Variants in FSTL4 observed in about 807,000 individuals in gnomAD.
FSTL4 encodes the protein follistatin like 4.
FSTL4 carries 28 observed loss-of-function variants against 78.2 expected under a neutral mutation model. The observed-to-expected ratio is 0.36, with a 90% CI of 0.27 to 0.49. The LOEUF is 0.49. Among genes scored for constraint, FSTL4 ranks in the 20% least tolerant of loss-of-function variants. The probability of loss-of-function intolerance (pLI) is 0.98; values close to 1 mark genes in which losing one functional copy is unlikely to be tolerated. For synonymous variants in FSTL4, 422 were observed against 440.5 expected, an observed-to-expected ratio of 0.96 and a Z score of 0.53; for missense variants, 922 against 1,084.9, an observed-to-expected ratio of 0.85 and a Z score of 2.11.
chr5:133,772,590 G>A, the FSTL4 span, among the ~76,000 whole-genome samples: 13 of 152,214 alleles, frequency 8.5e-5, no homozygotes, highest in South Asian at 2.7e-3. Flanking sequence ...AAGTTCAAGG[G>A]GCCATACCTA....
intron 6 of FSTL4, among the ~76,000 whole-genome samples, chr5:133,258,276 G>T (rs897593186): frequency 7.9e-5 from 12 of 152,226 alleles, no homozygotes; most frequent in Non-Finnish European, 1.2e-4. Flanking sequence ...AAGGCACCCA[G>T]ATATTTGTTC....
the FSTL4 span, among the ~76,000 whole-genome samples, chr5:133,624,409 CAA>C: frequency 6.6e-5 from 10 of 151,760 alleles, no homozygotes; most frequent in African/African-American, 2.2e-4. Context: ...TCCATAGAAA[CAA>C]AGCAGATTGG....
the FSTL4 span, among the ~76,000 whole-genome samples, chr5:133,685,370 G>T: frequency 6.6e-6 from 1 of 152,228 alleles, no homozygotes; most frequent in Non-Finnish European, 1.5e-5. Flanking sequence ...TCCTTGGCCA[G>T]CTGCGTTGGG....
intron 4 of FSTL4, among the ~76,000 whole-genome samples, chr5:133,319,138 C>T (rs913637585): frequency 2.6e-5 from 4 of 152,218 alleles, no homozygotes; most frequent in African/African-American, 9.6e-5. Flanking sequence ...ACCTCACATC[C>T]TCACAGCTGC....
At chr5:133,335,680 T>TTG (rs1013210237) in intron 4 of FSTL4, among the ~76,000 whole-genome samples, 8 of 142,902 alleles carry the variant, frequency 5.6e-5, no homozygotes, top group Non-Finnish European at 9.1e-5. Flanking sequence ...CTCCCCTTTC[T>TTG]TGGGGGGGGT....
intron 11 of FSTL4, chr5:133,223,968 C>G (rs936820032): frequency 2.1e-6 from 1 of 486,416 alleles, no homozygotes; most frequent in Non-Finnish European, 3.7e-6. Flanking sequence ...AGGTTACAAG[C>G]CACTTTTAAT....
intron 3 of FSTL4, among the ~76,000 whole-genome samples, chr5:133,489,726 C>G (rs1242711531): frequency 6.6e-6 from 1 of 152,206 alleles, no homozygotes; most frequent in Admixed American, 6.5e-5. Flanking sequence ...TTCTCCACTC[C>G]ATGTTGACCA....
the FSTL4 span, among the ~76,000 whole-genome samples, chr5:133,672,307 C>T: frequency 3.9e-5 from 6 of 152,240 alleles, no homozygotes; most frequent in Admixed American, 2.6e-4. Flanking sequence ...GCTCCTACAG[C>T]CCAGGTCTCT....
chr5:133,403,293 G>A (rs904588111), intron 3 of FSTL4, among the ~76,000 whole-genome samples: 6 of 152,322 alleles, frequency 3.9e-5, no homozygotes, highest in East Asian at 1.9e-4. Context: ...CTGCTTCAGA[G>A]CGTGTGCCCT....
chr5:133,370,940 T>C (rs1755283986), intron 4 of FSTL4, among the ~76,000 whole-genome samples: 1 of 152,088 alleles, frequency 6.6e-6, no homozygotes, highest in Non-Finnish European at 1.5e-5. Flanking sequence ...AAGAGATGGC[T>C]CTCCCCTGCC....
intron 3 of FSTL4, among the ~76,000 whole-genome samples, chr5:133,425,093 T>G (rs886720551): frequency 2.0e-5 from 3 of 152,224 alleles, no homozygotes; most frequent in African/African-American, 4.8e-5. Context: ...CGGGCTCACA[T>G]GTATTGCACA....
intron 4 of FSTL4, among the ~76,000 whole-genome samples, chr5:133,385,429 C>T (rs1417744830): frequency 6.6e-6 from 1 of 152,194 alleles, no homozygotes; most frequent in African/African-American, 2.4e-5. Context: ...GTGTGATGTA[C>T]ACTAGAGAAG....
intron 3 of FSTL4, among the ~76,000 whole-genome samples, chr5:133,555,003 G>T (rs1235666056): frequency 6.6e-6 from 1 of 152,112 alleles, no homozygotes; most frequent in Non-Finnish European, 1.5e-5. Flanking sequence ...CTGTATTTGG[G>T]GGTTATTCCA....
chr5:133,317,285 T>C (rs1043253297), intron 4 of FSTL4, among the ~76,000 whole-genome samples: 15 of 152,216 alleles, frequency 9.9e-5, no homozygotes, highest in African/African-American at 2.9e-4. Flanking sequence ...ATCAGAACCA[T>C]GCAGTGTTTG....
chr5:133,728,340 T>C, the FSTL4 span, among the ~76,000 whole-genome samples: 1 of 152,240 alleles, frequency 6.6e-6, no homozygotes, highest in Non-Finnish European at 1.5e-5. Flanking sequence ...AGCTGCCATG[T>C]ATCCCAGTCA....
chr5:133,326,397 C>T (rs965221097), intron 4 of FSTL4, among the ~76,000 whole-genome samples: 2 of 152,230 alleles, frequency 1.3e-5, no homozygotes, highest in South Asian at 2.1e-4. Context: ...TACTGGAAGT[C>T]GTGCCACTTG....
intron 3 of FSTL4, among the ~76,000 whole-genome samples, chr5:133,534,960 A>C (rs1759323098): frequency 6.6e-6 from 1 of 152,198 alleles, no homozygotes; most frequent in South Asian, 2.1e-4. Flanking sequence ...GCCCCGCCTA[A>C]AATTCGTATG....
At chr5:133,747,106 C>T in the FSTL4 span, among the ~76,000 whole-genome samples, 1 of 152,156 alleles carries the variant, frequency 6.6e-6, no homozygotes, top group South Asian at 2.1e-4. Context: ...TCATGCCACC[C>T]CGCCTGTTGT....
Position 133,312,775 on chromosome 5 carries a change from A to T in FSTL4, c.606T>A (p.His202Gln), listed in dbSNP as rs747798170. 79 of 1,614,014 alleles carry T rather than the reference A, an allele frequency of 4.9e-5. No homozygotes were observed. Among genetic ancestry groups the T allele is most frequent in the Non-Finnish European group, 6.5e-5 (77 of 1,179,970 alleles). Reference sequence around the variant, plus strand: ...CATCCAGGTCCTGCTTCTTCAGCACATGCTGTGGGGTGAGGAGGAGAACAA... The same window carrying T: ...CATCCAGGTCCTGCTTCTTCAGCACTTGCTGTGGGGTGAGGAGGAGAACAA... The part of the protein sequence containing the change: ...GHLSSSELAQ[H>Q]VLKKQDLDED... The change falls in exon 6 of 16, where the codon CAT (histidine) becomes CAA (glutamine). Residue 202 changes from histidine (H) to glutamine (Q), a missense_variant and splice_region_variant. His to Gln is a conservative substitution (Grantham distance 24). Coordinates refer to ENST00000265342, the MANE Select transcript of FSTL4 (RefSeq NM_015082.2).
Sources: allele counts gnomAD v4.1 joint callset (sites outside exome capture counted in the v4.1 genomes callset), GRCh38; gene constraint gnomAD v4.1.1; transcripts MANE v1.5; gene names NCBI Gene and HGNC (gene_info 2026-07-23, HGNC 2026-07-21).